Variants in MAN1C1 observed in about 807,000 individuals in gnomAD.
The protein encoded by MAN1C1 is mannosidase alpha class 1C member 1, also known as mannosyl-oligosaccharide 1,2-alpha-mannosidase IC.
A neutral mutation model predicts 71.5 loss-of-function variants in MAN1C1; 49 were observed. The observed-to-expected ratio is 0.69, with a 90% CI of 0.54 to 0.87. The LOEUF (loss-of-function observed/expected upper bound fraction) is 0.87. Among genes scored for constraint, MAN1C1 ranks in the 40% least tolerant of loss-of-function variants. MAN1C1 has a pLI of 0.00. For missense variants in MAN1C1, 743 were observed against 835.0 expected (o/e 0.89, Z 1.36); for synonymous variants, 352 against 343.7 (o/e 1.02, Z -0.27).
chr1:25,736,768 C>T (rs2046988547), intron 2 of MAN1C1, among the ~76,000 whole-genome samples: 1 of 152,306 alleles, frequency 6.6e-6, no homozygotes, highest in Middle Eastern at 3.4e-3. Context: ...CTCAAGCGAT[C>T]CACCTACCTA....
chr1:25,710,836 T>C (rs964238060), intron 2 of MAN1C1, among the ~76,000 whole-genome samples: 1 of 152,198 alleles, frequency 6.6e-6, no homozygotes, highest in African/African-American at 2.4e-5. Context: ...AGGTTGAGTA[T>C]AGTTGATGGG....
At chr1:25,712,830 C>T (rs2046631725) in intron 2 of MAN1C1, among the ~76,000 whole-genome samples, 1 of 152,112 alleles carries the variant, frequency 6.6e-6, no homozygotes, top group Admixed American at 6.5e-5. Flanking sequence ...TCTGTGGATT[C>T]CCACGGTCCC....
intron 3 of MAN1C1, among the ~76,000 whole-genome samples, chr1:25,747,692 T>TCTCCCAG (rs2047149630): frequency 6.6e-6 from 1 of 152,054 alleles, no homozygotes; most frequent in East Asian, 1.9e-4. Context: ...AACGCAACAC[T>TCTCCCAG]TTAGGGGAGC....
At chr1:25,656,914 C>T (rs1410390919) in intron 1 of MAN1C1, among the ~76,000 whole-genome samples, 6 of 151,930 alleles carry the variant, frequency 3.9e-5, no homozygotes, top group Non-Finnish European at 8.8e-5. Flanking sequence ...CAAGCTCCGC[C>T]TCCTGGGTTC....
intron 1 of MAN1C1, among the ~76,000 whole-genome samples, chr1:25,666,678 G>T (rs570962116): frequency 7.2e-5 from 11 of 152,354 alleles, no homozygotes; most frequent in African/African-American, 2.4e-4. Flanking sequence ...TTCAGCTGCT[G>T]TGCTCAGAAT....
chr1:25,724,745 A>G (rs1296237992), intron 2 of MAN1C1, among the ~76,000 whole-genome samples: 4 of 152,222 alleles, frequency 2.6e-5, no homozygotes, highest in African/African-American at 9.6e-5. Context: ...TTTCCTGCAA[A>G]CACAGAATAT....
Position 25,725,315 on chromosome 1 carries a change from C to G in MAN1C1, c.638-21353C>G, listed in dbSNP as rs2046817704. ...AGCTCTGGGATGGATGCTAGAGATGCAAAGGTGCACTGGCCACGTCCCTTG... is the reference window on the plus strand; with the variant it reads ...AGCTCTGGGATGGATGCTAGAGATGGAAAGGTGCACTGGCCACGTCCCTTG... On this transcript the variant is annotated intron_variant, in intron 2 of 11. Transcript: ENST00000374332. The surrounding 1 kb of genome is among the most constrained non-coding windows in gnomAD (Gnocchi z 4.8). Among the ~76,000 whole-genome samples the G allele has an allele frequency of 6.6e-6, 1 of 152,184 alleles. No individual in the cohort carries two copies. Among genetic ancestry groups the G allele is most frequent in the African/African-American group, 2.4e-5 (1 of 41,426 alleles).
intron 1 of MAN1C1, among the ~76,000 whole-genome samples, chr1:25,678,417 G>C (rs1572142982): frequency 6.6e-6 from 1 of 152,258 alleles, no homozygotes; most frequent in East Asian, 1.9e-4. Flanking sequence ...TGTTCATTTT[G>C]TTAGTTTTAT....
intron 2 of MAN1C1, among the ~76,000 whole-genome samples, chr1:25,703,408 G>A (rs1031010955): frequency 1.4e-4 from 21 of 152,280 alleles, no homozygotes; most frequent in African/African-American, 4.3e-4. Flanking sequence ...TAGGCTGGGC[G>A]CGGTGGCTCA....
Position 25,735,117 on chromosome 1 carries a change from A to G in MAN1C1, c.638-11551A>G, listed in dbSNP as rs2046962816. On this transcript the variant is annotated intron_variant, in intron 2 of 11. Transcript: ENST00000374332. The surrounding 1 kb of genome is among the most constrained non-coding windows in gnomAD (Gnocchi z 4.6). ...AGAATGTGGAACACATGAAAAGACG[A>G]TTAAGACATAGGCGGCCAGTCGCGG... is the stretch of plus-strand genomic sequence containing the variant. Among the ~76,000 whole-genome samples the G allele has an allele frequency of 6.6e-6, 1 of 152,210 alleles. No homozygotes were observed. The highest frequency in any genetic ancestry group is 1.5e-5 in the Non-Finnish European group (1 of 68,030).
At chr1:25,773,607 A>G (rs2047582403) in intron 8 of MAN1C1, among the ~76,000 whole-genome samples, 1 of 152,186 alleles carries the variant, frequency 6.6e-6, no homozygotes, top group African/African-American at 2.4e-5. Context: ...TGCTGCCCAG[A>G]GGCCCTTTCT....
intron 1 of MAN1C1, among the ~76,000 whole-genome samples, chr1:25,658,181 T>C (rs1005316117): frequency 6.6e-6 from 1 of 152,222 alleles, no homozygotes; most frequent in Admixed American, 6.5e-5. Flanking sequence ...AGGGTGGGCC[T>C]TTCCCATAAA....
At chr1:25,686,258 C>T (rs1183430318) in intron 1 of MAN1C1, among the ~76,000 whole-genome samples, 182 bp from the exon 2 acceptor site, 1 of 152,204 alleles carries the variant, frequency 6.6e-6, no homozygotes, top group African/African-American at 2.4e-5. Flanking sequence ...GAATGACCTT[C>T]CCAGCAGCTA....
intron 1 of MAN1C1, among the ~76,000 whole-genome samples, chr1:25,636,941 G>T (rs1037371855): frequency 6.6e-6 from 1 of 151,942 alleles, no homozygotes; most frequent in Non-Finnish European, 1.5e-5. Context: ...GATCACTTGG[G>T]GTCAGGACTT....
chr1:25,706,747 C>T (rs900733538), intron 2 of MAN1C1, among the ~76,000 whole-genome samples: 5 of 152,230 alleles, frequency 3.3e-5, no homozygotes, highest in Admixed American at 1.3e-4. Flanking sequence ...AGACTACTCA[C>T]CTGCAAGCAC....
intron 1 of MAN1C1, among the ~76,000 whole-genome samples, chr1:25,663,801 G>T (rs1191728217): frequency 6.6e-6 from 1 of 152,160 alleles, no homozygotes; most frequent in Non-Finnish European, 1.5e-5. Context: ...CTATATCACT[G>T]CTCTGTCCTG....
intron 1 of MAN1C1, among the ~76,000 whole-genome samples, chr1:25,669,587 C>T (rs893298134): frequency 3.3e-5 from 5 of 151,938 alleles, no homozygotes; most frequent in African/African-American, 9.7e-5. Flanking sequence ...GGCAACGTAT[C>T]GAGACCCTAT....
At chr1:25,679,937 C>CAAAAA (rs1237281245) in intron 1 of MAN1C1, among the ~76,000 whole-genome samples, 20 of 85,762 alleles carry the variant, frequency 2.3e-4, no homozygotes, top group East Asian at 7.1e-4. Context: ...ACCTCTGTCT[C>CAAAAA]AAAAAAAAAA....
chr1:25,698,308 A>G (rs565436533), intron 2 of MAN1C1, among the ~76,000 whole-genome samples: 5 of 152,054 alleles, frequency 3.3e-5, no homozygotes, highest in African/African-American at 1.2e-4. Context: ...GGTTCTTCAA[A>G]CCCTGGCCCC....
Sources: allele counts gnomAD v4.1 joint callset (sites outside exome capture counted in the v4.1 genomes callset), GRCh38; gene constraint gnomAD v4.1.1; non-coding constraint Gnocchi (gnomAD v3.1); transcripts MANE v1.5; gene names NCBI Gene and HGNC (gene_info 2026-07-23, HGNC 2026-07-21).